Variants in STUM observed in about 807,000 individuals in gnomAD.
STUM encodes protein stum homolog.
A neutral mutation model predicts 15.3 loss-of-function variants in STUM; 8 were observed. That is an observed-to-expected ratio of 0.52 (90% CI 0.31 to 0.94). The LOEUF is 0.94. Ranked by LOEUF, STUM falls within the 40% of genes least tolerant of loss-of-function variation. The probability of loss-of-function intolerance (pLI) is 0.05; values close to 1 mark genes in which losing one functional copy is unlikely to be tolerated. For synonymous variants in STUM, 78 were observed against 88.7 expected (o/e 0.88, Z 0.68); for missense variants, 142 against 204.9 (o/e 0.69, Z 1.87).
intron 1 of STUM, among the ~76,000 whole-genome samples, chr1:226,578,359 C>CTTT (rs34568214): frequency 9.1e-4 from 61 of 67,266 alleles, no homozygotes; most frequent in Non-Finnish European, 1.1e-3. Context: ...CAACCCCCAG[C>CTTT]TTTTTTTTTT....
intron 1 of STUM, among the ~76,000 whole-genome samples, chr1:226,583,145 C>T (rs1297757475): frequency 6.6e-6 from 1 of 152,144 alleles, no homozygotes; most frequent in Non-Finnish European, 1.5e-5. Flanking sequence ...GCCACTTCCC[C>T]TGCATTATAT....
intron 1 of STUM, among the ~76,000 whole-genome samples, chr1:226,561,214 G>A (rs905932821): frequency 2.0e-5 from 3 of 152,132 alleles, no homozygotes; most frequent in Non-Finnish European, 2.9e-5. Context: ...TTGAGGGTAG[G>A]GGCTGTGCTT....
Position 226,600,551 on chromosome 1 carries a change from G to A in STUM, c.383-115G>A, listed in dbSNP as rs577896072. 14 of 1,295,354 alleles carry A rather than the reference G, an allele frequency of 1.1e-5. No individual in the cohort carries two copies. Among genetic ancestry groups the A allele is most frequent in the Non-Finnish European group, 1.5e-5 (14 of 904,172 alleles). The allele number at this position is 1,295,354 out of a possible 1,614,324, so 80.2% of individuals were successfully genotyped here. ...TGTCCCATCTCCCAGGCCTCACCAT[G>A]GATCTGCTTTGTTTCCTGTGCCAAG... On this transcript the variant is annotated intron_variant, in intron 2 of 3. Transcript: ENST00000366788. The surrounding 1 kb of genome is among the most constrained non-coding windows in gnomAD (Gnocchi z 5.2).
At position 226,565,993 on chromosome 1, in the gene STUM, C is replaced by T. The variant is rs968573375; in HGVS notation, c.202+16887C>T. 2.0e-5 allele frequency among the ~76,000 whole-genome samples: 3 copies of T among 152,212 alleles called. No individual in the cohort carries two copies. The highest frequency in any genetic ancestry group is 4.8e-5 in the African/African-American group (2 of 41,448). On this transcript the variant is annotated intron_variant, in intron 1 of 3. Coordinates refer to ENST00000366788, the MANE Select transcript of STUM (RefSeq NM_001003665.4). This position sits in a 1 kb window ranked among gnomAD's most constrained non-coding sequence, Gnocchi z 4.4. ...TAAACAGAAGATATTGAAAGCAAAT[C>T]GCTACTCAGTCCAGGGTACTCCCCT...
At position 226,549,831 on chromosome 1, in the gene STUM, A is replaced by C. The variant is rs752823307; in HGVS notation, c.202+725A>C. ...AGAGTGCGCCGATGTAATTCTGTGC[A>C]GGACTCCGGCAGCCGGCAGGGGTTC... On this transcript the variant is annotated intron_variant, in intron 1 of 3. Transcript: ENST00000366788. This position sits in a 1 kb window ranked among gnomAD's most constrained non-coding sequence, Gnocchi z 6.8. Among the ~76,000 whole-genome samples, 1 of 152,222 alleles carries C rather than the reference A, an allele frequency of 6.6e-6. No homozygotes were observed. The highest frequency in any genetic ancestry group is 1.5e-5 in the Non-Finnish European group (1 of 68,034).
chr1:226,575,483 G>A (rs1667794733), intron 1 of STUM, among the ~76,000 whole-genome samples: 2 of 152,248 alleles, frequency 1.3e-5, no homozygotes, highest in Non-Finnish European at 2.9e-5. Flanking sequence ...AGGTGATGGT[G>A]GCTGGCCAGG....
chr1:226,574,683 C>T (rs564774521), intron 1 of STUM, among the ~76,000 whole-genome samples: 14 of 152,310 alleles, frequency 9.2e-5, no homozygotes, highest in Admixed American at 2.0e-4. Context: ...GGAACTGATG[C>T]GAAGTAGGCC....
chr1:226,586,836 G>C (rs1668006010), intron 1 of STUM, among the ~76,000 whole-genome samples: 1 of 152,134 alleles, frequency 6.6e-6, no homozygotes, highest in South Asian at 2.1e-4. Flanking sequence ...ACACCGACCT[G>C]CTGGAAGGTA....
chr1:226,560,174 A>T (rs553815325), intron 1 of STUM, among the ~76,000 whole-genome samples: 1 of 152,314 alleles, frequency 6.6e-6, no homozygotes, highest in African/African-American at 2.4e-5. Context: ...CACACAAAGT[A>T]TATGATTCAG....
In STUM at chr1:226,605,212, C is replaced by T. The variant is rs1668337536; in HGVS notation, c.*3172C>T. On this transcript the variant is annotated 3_prime_UTR_variant, in exon 4 of 4. Coordinates refer to ENST00000366788, the MANE Select transcript of STUM (RefSeq NM_001003665.4). This position sits in a 1 kb window ranked among gnomAD's most constrained non-coding sequence, Gnocchi z 4.0. ...CCCACCCTCAGCTGCCCCAGACCCACACATCCAGCCCCAAGAGCAGCCTCA... is the reference window on the plus strand; with the variant it reads ...CCCACCCTCAGCTGCCCCAGACCCATACATCCAGCCCCAAGAGCAGCCTCA... 3 of 152,384 alleles carry T rather than the reference C, an allele frequency of 2.0e-5. No homozygotes were observed. Among genetic ancestry groups the T allele is most frequent in the Admixed American group, 2.0e-4 (3 of 15,292 alleles). 9.4% of individuals were successfully genotyped at this position (152,384 alleles called of 1,614,324 possible).
At chr1:226,577,626 G>C (rs1667839549) in intron 1 of STUM, among the ~76,000 whole-genome samples, 1 of 152,194 alleles carries the variant, frequency 6.6e-6, no homozygotes, top group Non-Finnish European at 1.5e-5. Flanking sequence ...CAGAGGGAAA[G>C]CTGAGAGCCC....
chr1:226,575,260 C>T (rs1667790543), intron 1 of STUM, among the ~76,000 whole-genome samples: 3 of 152,248 alleles, frequency 2.0e-5, no homozygotes, highest in South Asian at 4.1e-4. Context: ...ACAGCAGAAG[C>T]CCTCAATAAG....
chr1:226,578,394 T>C (rs1463925948), intron 1 of STUM, among the ~76,000 whole-genome samples: 5 of 119,158 alleles, frequency 4.2e-5, no homozygotes, highest in Non-Finnish European at 6.5e-5. Flanking sequence ...AGAATGCATC[T>C]CTCTTTGTCA....
Position 226,548,823 on chromosome 1 carries a change from C to G in STUM, c.-82C>G, listed in dbSNP as rs1191195554. On this transcript the variant is annotated 5_prime_UTR_variant, in exon 1 of 4. Transcript: ENST00000366788. ...CTGAGCTCGGCGCGGAGCCCGGAGCCCGCAGCCGACAGTCTCCTGCTCCCG... is the reference window on the plus strand; with the variant it reads ...CTGAGCTCGGCGCGGAGCCCGGAGCGCGCAGCCGACAGTCTCCTGCTCCCG... 1 of 1,139,022 alleles carries G rather than the reference C, an allele frequency of 8.8e-7. No homozygotes were observed. Among genetic ancestry groups the G allele is most frequent in the African/African-American group, 1.6e-5 (1 of 61,536 alleles). 70.6% of individuals were successfully genotyped at this position (1,139,022 alleles called of 1,614,324 possible). A position where few individuals can be genotyped will look rare whatever the true frequency, so the allele number is the denominator to read the frequency against.
chr1:226,579,755 G>A (rs549437031), intron 1 of STUM, among the ~76,000 whole-genome samples: 1 of 151,574 alleles, frequency 6.6e-6, no homozygotes, highest in South Asian at 2.1e-4. Context: ...ATCCTCCCTA[G>A]TAACTGGAAC....
chr1:226,576,391 C>T (rs1444996227), intron 1 of STUM, among the ~76,000 whole-genome samples: 3 of 152,204 alleles, frequency 2.0e-5, no homozygotes, highest in African/African-American at 2.4e-5. Context: ...AAATTCCCCC[C>T]ATTCTGCAAA....
chr1:226,594,567 A>G (rs966951646), intron 1 of STUM, among the ~76,000 whole-genome samples: 5 of 152,230 alleles, frequency 3.3e-5, no homozygotes, highest in Non-Finnish European at 7.3e-5. Flanking sequence ...CTCACCTGTC[A>G]TTGTGACCTT....
intron 1 of STUM, among the ~76,000 whole-genome samples, chr1:226,581,453 G>C (rs1252100514): frequency 1.3e-5 from 2 of 152,258 alleles, no homozygotes; most frequent in African/African-American, 4.8e-5. Flanking sequence ...AAGTCCAAGA[G>C]TATTGTGCCA....
At chr1:226,575,343 C>T (rs897814314) in intron 1 of STUM, among the ~76,000 whole-genome samples, 4 of 152,228 alleles carry the variant, frequency 2.6e-5, no homozygotes, top group Admixed American at 6.5e-5. Context: ...ACTTCTCACC[C>T]GAAAGTTGAC....
Sources: allele counts gnomAD v4.1 joint callset (sites outside exome capture counted in the v4.1 genomes callset), GRCh38; gene constraint gnomAD v4.1.1; non-coding constraint Gnocchi (gnomAD v3.1); transcripts MANE v1.5; gene names NCBI Gene and HGNC (gene_info 2026-07-23, HGNC 2026-07-21).